Variants in LAMA2 observed in about 807,000 individuals in gnomAD.
LAMA2 encodes laminin subunit alpha-2.
In LAMA2, 269 loss-of-function variants were observed where a neutral mutation model predicts 364.8. The observed-to-expected ratio is 0.74, with a 90% confidence interval of 0.67 to 0.82. The LOEUF is 0.82. Ranked by LOEUF, LAMA2 falls within the 40% of genes least tolerant of loss-of-function variation. LAMA2 has a pLI of 0.00. For synonymous variants in LAMA2, 1,379 were observed against 1,370.6 expected (o/e 1.01, Z -0.14); for missense variants, 3,807 against 3,873.2 (o/e 0.98, Z 0.45).
chr6:129,362,596 G>T lies in LAMA2; in HGVS notation c.4718-3623G>T, dbSNP rs569092395. ...CAAATATTTACTGAATATTAACTGT[G>T]TACAAGACCCTTTCCTAGGCACCAT... is the stretch of plus-strand genomic sequence containing the variant. On this transcript the variant is annotated intron_variant, in intron 32 of 64. Coordinates refer to ENST00000421865, the MANE Select transcript of LAMA2 (RefSeq NM_000426.4). Among the ~76,000 whole-genome samples, 4 of 152,284 alleles carry T rather than the reference G, an allele frequency of 2.6e-5. 1 individual carries two copies. The South Asian group carries it at 8.3e-4, about 32-fold the overall frequency.
intron 1 of LAMA2, among the ~76,000 whole-genome samples, chr6:128,967,022 C>T (rs572630457): frequency 1.6e-4 from 25 of 152,014 alleles, no homozygotes; most frequent in Admixed American, 1.0e-3. Context: ...AAAGTCCTCA[C>T]AAACTTTACG....
chr6:129,171,656 G>A (rs1780165505), intron 9 of LAMA2, among the ~76,000 whole-genome samples: 1 of 144,514 alleles, frequency 6.9e-6, no homozygotes, highest in South Asian at 2.3e-4. Flanking sequence ...ATGTGTCTTG[G>A]AGTTGCTCTT....
At chr6:129,225,640 C>A (rs536051609) in intron 12 of LAMA2, among the ~76,000 whole-genome samples, 5 of 151,938 alleles carry the variant, frequency 3.3e-5, no homozygotes, top group Non-Finnish European at 5.9e-5. Flanking sequence ...GTAGTTGAGC[C>A]GTTTTCAGTG....
In LAMA2 at chr6:129,119,638, C is replaced by T. The variant is rs1291142931; in HGVS notation, c.639+21223C>T. On this transcript the variant is annotated intron_variant, in intron 4 of 64. Coordinates refer to ENST00000421865, the MANE Select transcript of LAMA2 (RefSeq NM_000426.4). ...TCTTGGCTCACTGCAAGCTCCGCCTCCCGGGTTCACGCCATTCTCCTGCCT... is the reference window on the plus strand; with the variant it reads ...TCTTGGCTCACTGCAAGCTCCGCCTTCCGGGTTCACGCCATTCTCCTGCCT... Among the ~76,000 whole-genome samples the T allele has an allele frequency of 3.3e-5, 5 of 152,264 alleles. No homozygotes were observed. The South Asian group carries it at 1.0e-3, about 32-fold the overall frequency.
At chr6:129,425,954 G>T (rs1025390724) in intron 40 of LAMA2, among the ~76,000 whole-genome samples, 2 of 151,676 alleles carry the variant, frequency 1.3e-5, no homozygotes, top group Non-Finnish European at 2.9e-5. Flanking sequence ...ATGCTTGTCA[G>T]ATTACATTCT....
intron 3 of LAMA2, among the ~76,000 whole-genome samples, chr6:129,088,724 C>T (rs903777977): frequency 6.6e-6 from 1 of 151,190 alleles, no homozygotes; most frequent in Non-Finnish European, 1.5e-5. Flanking sequence ...GGGGCGGCTG[C>T]CGGGCAGAGG....
intron 13 of LAMA2, 74 bp from the exon 14 acceptor site, chr6:129,252,010 T>C: frequency 2.2e-6 from 2 of 894,340 alleles, no homozygotes; most frequent in Admixed American, 1.9e-5. Context: ...AGGATACAAA[T>C]ATAGATATGT....
At chr6:129,222,745 A>T (rs891305562) in intron 12 of LAMA2, among the ~76,000 whole-genome samples, 10 of 152,006 alleles carry the variant, frequency 6.6e-5, no homozygotes, top group African/African-American at 1.7e-4. Context: ...TCTATCATTG[A>T]TGGACATTTG....
chr6:129,123,247 A>G (rs1203042282), intron 4 of LAMA2, among the ~76,000 whole-genome samples: 2 of 151,468 alleles, frequency 1.3e-5, no homozygotes, highest in Admixed American at 1.3e-4. Context: ...CAGAGGTTGC[A>G]GTGAACTGAG....
intron 34 of LAMA2, among the ~76,000 whole-genome samples, chr6:129,379,515 C>T (rs1039271549): frequency 6.6e-6 from 1 of 152,120 alleles, no homozygotes; most frequent in African/African-American, 2.4e-5. Flanking sequence ...GTCTCCTCCT[C>T]TTCTGGAATA....
intron 10 of LAMA2, among the ~76,000 whole-genome samples, chr6:129,187,999 C>G (rs1051022432): frequency 6.6e-6 from 1 of 151,870 alleles, no homozygotes; most frequent in Admixed American, 6.6e-5. Context: ...AATTTTTAAA[C>G]CATGCTTCAA....
intron 2 of LAMA2, among the ~76,000 whole-genome samples, chr6:129,051,683 T>TATAGATCGATCTATAGATATAG: frequency 2.6e-5 from 1 of 38,796 alleles, no homozygotes; most frequent in African/African-American, 2.1e-4. Context: ...TATAGATATC[T>TATAGATCGATCTATAGATATAG]ATATCTATAG....
chr6:128,946,876 A>G (rs1203178931), intron 1 of LAMA2, among the ~76,000 whole-genome samples: 1 of 152,230 alleles, frequency 6.6e-6, no homozygotes, highest in Non-Finnish European at 1.5e-5. Flanking sequence ...GGTCCCATTG[A>G]ATATCACAAT....
Position 129,377,664 on chromosome 6 carries a change from G to T in LAMA2, c.4960-5458G>T, listed in dbSNP as rs370059061. 3.9e-5 allele frequency among the ~76,000 whole-genome samples: 6 copies of T among 152,228 alleles called. No individual in the cohort carries two copies. The East Asian group carries it at 7.7e-4, about 20-fold the overall frequency. On this transcript the variant is annotated intron_variant, in intron 34 of 64. Coordinates refer to ENST00000421865, the MANE Select transcript of LAMA2 (RefSeq NM_000426.4). ...TTTGATCTGAAATCTAATTTTAGCAGGAAACCATATGAGTCCACAAATGCA... is the reference window on the plus strand; with the variant it reads ...TTTGATCTGAAATCTAATTTTAGCATGAAACCATATGAGTCCACAAATGCA...
chr6:129,050,129 T>A, intron 2 of LAMA2, 41 bp downstream of exon 2: 1 of 1,604,208 alleles, frequency 6.2e-7, no homozygotes, highest in African/African-American at 1.3e-5. Flanking sequence ...CTGGGTAGGA[T>A]CTATAATTGT....
At chr6:129,148,546 G>A (rs1193522577) in intron 6 of LAMA2, among the ~76,000 whole-genome samples, 3 of 152,066 alleles carry the variant, frequency 2.0e-5, no homozygotes, top group Non-Finnish European at 4.4e-5. Context: ...TAGTCCTAGA[G>A]ACATTAGATT....
chr6:128,978,969 T>C (rs1343449595), intron 1 of LAMA2, among the ~76,000 whole-genome samples: 1 of 152,072 alleles, frequency 6.6e-6, no homozygotes, highest in Admixed American at 6.6e-5. Flanking sequence ...AATGCAAAGA[T>C]GAAGGGAAAG....
chr6:129,131,921 A>G (rs539574019), intron 4 of LAMA2, among the ~76,000 whole-genome samples: 7 of 152,204 alleles, frequency 4.6e-5, no homozygotes, highest in South Asian at 4.1e-4. Context: ...AGTCAGATGT[A>G]TAGAGGATCC....
chr6:129,348,566 T>C (rs372394805), intron 30 of LAMA2, among the ~76,000 whole-genome samples: 24 of 152,098 alleles, frequency 1.6e-4, no homozygotes, highest in African/African-American at 5.3e-4. Flanking sequence ...TTTTTTTTAA[T>C]GGAATAAGAT....
Sources: allele counts gnomAD v4.1 joint callset (sites outside exome capture counted in the v4.1 genomes callset), GRCh38; gene constraint gnomAD v4.1.1; transcripts MANE v1.5; gene names NCBI Gene and HGNC (gene_info 2026-07-23, HGNC 2026-07-21).